The following SCD5 variants were observed in gnomAD, a reference collection of about 807,000 sequenced individuals.
The protein encoded by SCD5 is stearoyl-CoA desaturase 5.
A neutral mutation model predicts 30.4 loss-of-function variants in SCD5; 20 were observed. The ratio of observed to expected loss-of-function variants is 0.66; its 90% CI spans 0.46 to 0.96. SCD5 has a LOEUF of 0.96. SCD5 is among the 40% of genes least tolerant of loss of function. SCD5 has a pLI of 0.00. For missense variants in SCD5, 381 were observed against 443.3 expected (o/e 0.86, Z 1.26); for synonymous variants, 173 against 176.4 (o/e 0.98, Z 0.16).
chr4:82,748,749 G>C (rs1721043723), intron 1 of SCD5, among the ~76,000 whole-genome samples: 1 of 152,184 alleles, frequency 6.6e-6, no homozygotes, highest in South Asian at 2.1e-4. Context: ...AACAAAGAAT[G>C]CAATTTGCTG....
In SCD5 at chr4:82,720,498, T is replaced by C. The variant is rs113457684; in HGVS notation, c.233-15085A>G. Among the ~76,000 whole-genome samples the C allele has an allele frequency of 1.5e-3, 231 of 150,602 alleles. 1 individual carries two copies. The highest frequency in any genetic ancestry group is 1.9e-3 in the Non-Finnish European group (128 of 67,684). On this transcript the variant is annotated intron_variant, in intron 1 of 4. Coordinates refer to ENST00000319540, the MANE Select transcript of SCD5 (RefSeq NM_001037582.3). ...GAAAGCAGCATTTATCCTGTCTTTT[T>C]AGAACTATAATCCATTCCTAGTTGA... is the stretch of plus-strand genomic sequence containing the variant.
intron 1 of SCD5, among the ~76,000 whole-genome samples, chr4:82,744,450 A>G (rs1290642100): frequency 1.3e-5 from 2 of 152,186 alleles, no homozygotes; most frequent in Non-Finnish European, 2.9e-5. Context: ...CCAGGCACTT[A>G]AGGCCTTGGC....
At chr4:82,762,007 T>A (rs1051064687) in intron 1 of SCD5, among the ~76,000 whole-genome samples, 1 of 151,476 alleles carries the variant, frequency 6.6e-6, no homozygotes, top group Non-Finnish European at 1.5e-5. Context: ...ACCCCATCTC[T>A]ACAAAAAAAT....
intron 3 of SCD5, among the ~76,000 whole-genome samples, chr4:82,654,627 AT>A (rs1267504367): frequency 6.6e-6 from 1 of 152,218 alleles, no homozygotes; most frequent in African/African-American, 2.4e-5. Context: ...TTGGCTCTCC[AT>A]CAGGACCCCT....
intron 1 of SCD5, among the ~76,000 whole-genome samples, chr4:82,727,704 T>C (rs1188402361): frequency 6.6e-6 from 1 of 152,176 alleles, no homozygotes; most frequent in African/African-American, 2.4e-5. Context: ...CTTGAGACTT[T>C]TTGTTTCATT....
chr4:82,740,474 G>T (rs1369067594), intron 1 of SCD5, among the ~76,000 whole-genome samples: 4 of 152,206 alleles, frequency 2.6e-5, no homozygotes, highest in Non-Finnish European at 5.9e-5. Flanking sequence ...CTTTAGCCAG[G>T]CCCCAAGGGG....
At chr4:82,766,271 T>C (rs1196492603) in intron 1 of SCD5, among the ~76,000 whole-genome samples, 2 of 152,230 alleles carry the variant, frequency 1.3e-5, no homozygotes, top group African/African-American at 4.8e-5. Flanking sequence ...CTCTGTTCTT[T>C]CCTTCTTTTT....
intron 1 of SCD5, among the ~76,000 whole-genome samples, chr4:82,718,613 C>T (rs1346263402): frequency 6.6e-6 from 1 of 151,702 alleles, no homozygotes; most frequent in Non-Finnish European, 1.5e-5. Context: ...CACAATGTTT[C>T]TGGCTTAAAT....
intron 1 of SCD5, among the ~76,000 whole-genome samples, chr4:82,735,631 C>A (rs1008007474): frequency 1.3e-5 from 2 of 152,198 alleles, no homozygotes; most frequent in Non-Finnish European, 2.9e-5. Flanking sequence ...TTTCTCATTG[C>A]AAACACTTAT....
At chr4:82,714,068 C>T (rs1420546036) in intron 1 of SCD5, among the ~76,000 whole-genome samples, 3 of 152,220 alleles carry the variant, frequency 2.0e-5, no homozygotes, top group Non-Finnish European at 4.4e-5. Flanking sequence ...CCATACATTA[C>T]TCAGAAATTC....
chr4:82,727,205 G>T (rs1720520827), intron 1 of SCD5, among the ~76,000 whole-genome samples: 2 of 152,286 alleles, frequency 1.3e-5, no homozygotes, highest in Non-Finnish European at 2.9e-5. Flanking sequence ...GGGGATTCGG[G>T]TGTAACAATG....
At chr4:82,732,124 G>A (rs184194119) in intron 1 of SCD5, among the ~76,000 whole-genome samples, 10 of 151,606 alleles carry the variant, frequency 6.6e-5, no homozygotes, top group South Asian at 2.1e-4. Flanking sequence ...TTTTTGAGAC[G>A]GAGTCTTGCT....
chr4:82,747,950 T>C (rs1159733647), intron 1 of SCD5, among the ~76,000 whole-genome samples: 3 of 152,146 alleles, frequency 2.0e-5, no homozygotes, highest in African/African-American at 7.2e-5. Flanking sequence ...GAGACCACAG[T>C]TGAGCTATTC....
chr4:82,755,259 G>T (rs1721209286), intron 1 of SCD5, among the ~76,000 whole-genome samples: 1 of 152,208 alleles, frequency 6.6e-6, no homozygotes, highest in African/African-American at 2.4e-5. Flanking sequence ...CAGCACTTTG[G>T]GAGGCTGAGG....
chr4:82,721,167 AAAAC>A (rs1720362569), intron 1 of SCD5, among the ~76,000 whole-genome samples: 2 of 151,928 alleles, frequency 1.3e-5, no homozygotes, highest in African/African-American at 4.9e-5. Context: ...TCTTAAAACA[AAAAC>A]AAAAACAAAC....
intron 1 of SCD5, among the ~76,000 whole-genome samples, chr4:82,764,297 T>C (rs1301877132): frequency 6.6e-6 from 1 of 152,258 alleles, no homozygotes; most frequent in Admixed American, 6.5e-5. Context: ...GAAGTTGTAT[T>C]GGACAGCCCT....
chr4:82,676,074 C>T (rs1394695869), intron 3 of SCD5, among the ~76,000 whole-genome samples: 1 of 152,116 alleles, frequency 6.6e-6, no homozygotes, highest in Non-Finnish European at 1.5e-5. Flanking sequence ...TTAAAGGCGA[C>T]CGACTCAACT....
chr4:82,733,587 AG>A (rs1447783928), intron 1 of SCD5, among the ~76,000 whole-genome samples: 6 of 152,100 alleles, frequency 3.9e-5, no homozygotes. Context: ...TAATGTGTGG[AG>A]GGGGAAAAAG....
chr4:82,785,510 T>G (rs1017197394), intron 1 of SCD5, among the ~76,000 whole-genome samples: 1 of 152,242 alleles, frequency 6.6e-6, no homozygotes, highest in Non-Finnish European at 1.5e-5. Flanking sequence ...GAAAATCGTA[T>G]GTAAGCCTGA....
Sources: allele counts gnomAD v4.1 joint callset (sites outside exome capture counted in the v4.1 genomes callset), GRCh38; gene constraint gnomAD v4.1.1; transcripts MANE v1.5; gene names NCBI Gene and HGNC (gene_info 2026-07-23, HGNC 2026-07-21).